Variants in DMD observed in about 807,000 individuals in gnomAD.
DMD encodes the protein mutant dystrophin.
A neutral mutation model predicts 330.1 loss-of-function variants in DMD; 63 were observed. The ratio of observed to expected loss-of-function variants is 0.19; its 90% confidence interval spans 0.16 to 0.24. The LOEUF is 0.24. Among genes scored for constraint, DMD ranks in the 10% least tolerant of loss-of-function variants. DMD has a pLI of 1.00. For missense variants in DMD, 3,344 were observed against 2,684.1 expected, an observed-to-expected ratio of 1.25 and a Z score of -5.43; for synonymous variants, 1,223 against 959.8, an observed-to-expected ratio of 1.27 and a Z score of -5.07.
At chrX:33,295,328 G>A (rs781302171) in intron 1 of DMD, among the ~76,000 whole-genome samples, 2 of 110,575 alleles carry the variant, frequency 1.8e-5, no homozygotes, top group South Asian at 7.6e-4. Context: ...GCAACATCAT[G>A]TTGATAGCTT....
intron 19 of DMD, among the ~76,000 whole-genome samples, chrX:32,497,428 A>G (rs1295825010): frequency 8.9e-6 from 1 of 112,142 alleles, no homozygotes; most frequent in East Asian, 2.8e-4. Context: ...TAATTAACAC[A>G]CAGAAAACTA....
At chrX:33,075,983 A>G (rs918052814) in intron 1 of DMD, among the ~76,000 whole-genome samples, 6 of 111,925 alleles carry the variant, frequency 5.4e-5, no homozygotes, top group African/African-American at 1.6e-4. Context: ...AGACTACAAG[A>G]TACTGCTTCT....
chrX:32,855,901 T>C (rs2081512388), intron 2 of DMD, among the ~76,000 whole-genome samples: 2 of 111,743 alleles, frequency 1.8e-5, no homozygotes. Flanking sequence ...GAGAGAATAC[T>C]GGCCAACTAC....
intron 7 of DMD, among the ~76,000 whole-genome samples, chrX:32,742,964 G>C (rs919778173): frequency 3.6e-5 from 4 of 111,432 alleles, no homozygotes; most frequent in Admixed American, 1.9e-4. Context: ...CTAGTAAATG[G>C]CAAAATGGAG....
chrX:31,470,593 T>C lies in DMD; in HGVS notation c.8937+7513A>G, dbSNP rs987200058. On this transcript the variant is annotated intron_variant, in intron 59 of 78. Transcript: ENST00000357033. Reference sequence around the variant, plus strand: ...TATGAGGGTGTCTGTCAACCCCTGCTGGGAGGTGTCTCCCAGTCAGGAGGC... The same window carrying C: ...TATGAGGGTGTCTGTCAACCCCTGCCGGGAGGTGTCTCCCAGTCAGGAGGC... Among the ~76,000 whole-genome samples the C allele has an allele frequency of 2.7e-5, 3 of 112,234 alleles. No homozygotes were observed. In the Admixed American group the frequency reaches 2.8e-4, roughly 11 times the overall value.
intron 5 of DMD, among the ~76,000 whole-genome samples, chrX:32,817,029 C>T (rs1371595714): frequency 9.0e-6 from 1 of 111,295 alleles, no homozygotes; most frequent in African/African-American, 3.3e-5. Flanking sequence ...AGGAGGAATA[C>T]TATAGATAAT....
intron 47 of DMD, 114 bp downstream of exon 47, chrX:31,929,482 C>T (rs2094825441): frequency 1.1e-6 from 1 of 914,584 alleles, no homozygotes; most frequent in African/African-American, 1.9e-5. Context: ...CAAAACAAAA[C>T]AACAATCCAC....
chrX:33,271,313 G>A (rs762829345), intron 1 of DMD, among the ~76,000 whole-genome samples: 58 of 108,658 alleles, frequency 5.3e-4, no homozygotes, highest in Non-Finnish European at 1.1e-3. Context: ...GATCAAAGGT[G>A]TAAAAAATTA....
In DMD at chrX:31,119,750, C is replaced by G. The variant is rs1343543119; in HGVS notation, c.*2169G>C. On this transcript the variant is annotated 3_prime_UTR_variant, in exon 79 of 79. Coordinates refer to ENST00000357033, the MANE Select transcript of DMD (RefSeq NM_004006.3). ...TGTTTTAAATCTGAGTTTTAAAAATCCTTGGGTAAAGAAAAGGTCCAGCGT... is the reference window on the plus strand; with the variant it reads ...TGTTTTAAATCTGAGTTTTAAAAATGCTTGGGTAAAGAAAAGGTCCAGCGT... 9.0e-6 allele frequency: 1 copy of G among 110,975 alleles called. No individual in the cohort carries two copies. The highest frequency in any genetic ancestry group is 3.3e-5 in the African/African-American group (1 of 30,634). 9.1% of individuals were successfully genotyped at this position (110,975 alleles called of 1,213,427 possible).
At chrX:32,730,180 TA>T (rs895701812) in intron 7 of DMD, among the ~76,000 whole-genome samples, 5 of 111,481 alleles carry the variant, frequency 4.5e-5, no homozygotes, top group Admixed American at 3.8e-4. Context: ...AAAATAACAA[TA>T]AAAAATTGTT....
intron 52 of DMD, among the ~76,000 whole-genome samples, chrX:31,711,615 G>A (rs759894953): frequency 7.2e-5 from 8 of 110,590 alleles, no homozygotes; most frequent in Non-Finnish European, 1.5e-4. Context: ...TTGGCATGAG[G>A]TTAATGCCTA....
chrX:33,077,074 A>G (rs963281440), intron 1 of DMD, among the ~76,000 whole-genome samples: 1 of 111,107 alleles, frequency 9.0e-6, no homozygotes, highest in Non-Finnish European at 1.9e-5. Flanking sequence ...GGGTGGTGCC[A>G]GCTGATCCAT....
intron 54 of DMD, among the ~76,000 whole-genome samples, chrX:31,641,441 G>A (rs1469315884): frequency 9.6e-6 from 1 of 103,791 alleles, no homozygotes; most frequent in Non-Finnish European, 1.9e-5. Flanking sequence ...GGGAGAGGTT[G>A]CAGTGAGCCA....
intron 43 of DMD, among the ~76,000 whole-genome samples, chrX:32,233,640 TTTATTTA>T (rs1229194918): frequency 1.2e-4 from 12 of 103,205 alleles, no homozygotes; most frequent in African/African-American, 4.3e-4. Flanking sequence ...TATTTATTTA[TTTATTTA>T]TTGAGACGGA....
At chrX:31,631,257 C>T (rs1384929008) in intron 54 of DMD, among the ~76,000 whole-genome samples, 2 of 110,227 alleles carry the variant, frequency 1.8e-5, no homozygotes, top group Non-Finnish European at 3.8e-5. Flanking sequence ...AGATGCTAAG[C>T]TGGGCTGCCC....
intron 77 of DMD, among the ~76,000 whole-genome samples, chrX:31,130,510 G>A (rs2034346733): frequency 8.9e-6 from 1 of 112,075 alleles, no homozygotes; most frequent in African/African-American, 3.2e-5. Flanking sequence ...TATATCTAGA[G>A]ACCAACCAGA....
intron 17 of DMD, among the ~76,000 whole-genome samples, chrX:32,520,863 T>TC (rs1399597254): frequency 1.9e-5 from 2 of 106,916 alleles, no homozygotes; most frequent in African/African-American, 6.9e-5. Flanking sequence ...TTTTTTTTTT[T>TC]TCCCAAGTTG....
chrX:31,807,012 G>C (rs775335690), intron 50 of DMD, among the ~76,000 whole-genome samples: 14 of 112,074 alleles, frequency 1.2e-4, no homozygotes, highest in Admixed American at 5.7e-4. Flanking sequence ...TGAAATTGCA[G>C]ATGGGAGGCA....
At chrX:32,324,283 A>C (rs2097638781) in intron 41 of DMD, among the ~76,000 whole-genome samples, 1 of 111,771 alleles carries the variant, frequency 8.9e-6, no homozygotes, top group Admixed American at 9.5e-5. Context: ...TATTTGCATA[A>C]GTTAAAAAGA....
Sources: allele counts gnomAD v4.1 joint callset (sites outside exome capture counted in the v4.1 genomes callset), GRCh38; gene constraint gnomAD v4.1.1; transcripts MANE v1.5; gene names NCBI Gene and HGNC (gene_info 2026-07-23, HGNC 2026-07-21).